FRMD6: variants seen among roughly 807,000 people sequenced by gnomAD.
The protein encoded by FRMD6 is FERM domain-containing protein 6.
Under a neutral mutation model 73.2 loss-of-function variants are expected in FRMD6, and 37 were observed. The observed-to-expected ratio is 0.51, with a 90% CI of 0.39 to 0.66. The LOEUF (loss-of-function observed/expected upper bound fraction) is 0.66. FRMD6 is among the 30% of genes least tolerant of loss of function. The pLI is 0.00. For missense variants in FRMD6, 714 were observed against 780.5 expected (o/e 0.91, Z 1.02); for synonymous variants, 273 against 282.2 (o/e 0.97, Z 0.33).
At chr14:51,718,880 A>G (rs1897379903) in intron 10 of FRMD6, among the ~76,000 whole-genome samples, 1 of 151,922 alleles carries the variant, frequency 6.6e-6, no homozygotes, top group Non-Finnish European at 1.5e-5. Flanking sequence ...TTTTCTCTCT[A>G]GGGACCCTGT....
intron 9 of FRMD6, chr14:51,714,721 T>A (rs1349228283): frequency 6.6e-6 from 1 of 152,226 alleles, no homozygotes; most frequent in Admixed American, 6.5e-5. Flanking sequence ...CAAATAGATA[T>A]CCTGTATTGT....
At chr14:51,683,032 A>G (rs966350996) in intron 1 of FRMD6, among the ~76,000 whole-genome samples, 1 of 152,160 alleles carries the variant, frequency 6.6e-6, no homozygotes, top group African/African-American at 2.4e-5. Flanking sequence ...ATTTCAACCC[A>G]TACACCCATA....
chr14:51,690,753 A>G (rs1895504736), intron 2 of FRMD6, among the ~76,000 whole-genome samples: 1 of 152,212 alleles, frequency 6.6e-6, no homozygotes, highest in Non-Finnish European at 1.5e-5. Flanking sequence ...TTCCAGGACT[A>G]GGTGCCTATA....
chr14:51,480,134 G>C, the FRMD6 span, among the ~76,000 whole-genome samples: 3 of 152,166 alleles, frequency 2.0e-5, no homozygotes. Flanking sequence ...ATCAGGGCTT[G>C]GCTTGCAGAG....
At position 51,685,137 on chromosome 14, in the gene FRMD6, A is replaced by G. The variant is rs539288047; in HGVS notation, c.-146-4554A>G. On this transcript the variant is annotated intron_variant, in intron 1 of 13. Coordinates refer to ENST00000344768, the MANE Select transcript of FRMD6 (RefSeq NM_001267046.2). ...CCTGGAACATGGTAAGTTTGTAGTA[A>G]ATGCTAGCTATCATTAGCACTATTA... is the stretch of plus-strand genomic sequence containing the variant. 9.3e-4 allele frequency among the ~76,000 whole-genome samples: 142 copies of G among 152,260 alleles called. 1 individual carries two copies. The highest frequency in any genetic ancestry group is 1.4e-3 in the Non-Finnish European group (98 of 68,002).
the FRMD6 span, among the ~76,000 whole-genome samples, chr14:51,418,630 G>C: frequency 6.6e-6 from 1 of 152,246 alleles, no homozygotes; most frequent in Non-Finnish European, 1.5e-5. Flanking sequence ...CTACACGGGG[G>C]TCACGGACCC....
intron 4 of FRMD6, 34 bp from the exon 5 acceptor site, chr14:51,702,478 A>G: frequency 6.3e-7 from 1 of 1,577,846 alleles, no homozygotes. Flanking sequence ...GTAACTAGAA[A>G]TAGCTTGATT....
chr14:51,713,473 A>G (rs2140540388), intron 9 of FRMD6, among the ~76,000 whole-genome samples: 1 of 152,172 alleles, frequency 6.6e-6, no homozygotes, highest in African/African-American at 2.4e-5. Flanking sequence ...AAAAAAAAAA[A>G]AAAATCGTAG....
chr14:51,596,250 T>G (rs1006332841), intron 2 of FRMD6, among the ~76,000 whole-genome samples: 4 of 140,726 alleles, frequency 2.8e-5, no homozygotes, highest in Non-Finnish European at 6.0e-5. Context: ...GAGAGCCTGG[T>G]GTGTGTGTGT....
chr14:51,580,152 G>T (rs1457596843), intron 2 of FRMD6, among the ~76,000 whole-genome samples: 1 of 150,666 alleles, frequency 6.6e-6, no homozygotes, highest in African/African-American at 2.4e-5. Context: ...GTGTGTGTAT[G>T]TTTGTGATCT....
At chr14:51,721,625 GAA>G (rs1411322714) in intron 11 of FRMD6, among the ~76,000 whole-genome samples, 5 of 101,192 alleles carry the variant, frequency 4.9e-5, no homozygotes, top group African/African-American at 1.8e-4. Context: ...AATTGAGAAA[GAA>G]AGAGAGGGAG....
In FRMD6 at chr14:51,708,077, G is replaced by A; in HGVS notation, c.559-1G>A. On this transcript the variant is annotated splice_acceptor_variant, in intron 6 of 13. Coordinates refer to ENST00000344768, the MANE Select transcript of FRMD6 (RefSeq NM_001267046.2). LOFTEE classifies it high-confidence loss of function. The stretch of plus-strand genomic sequence containing the variant: ...ATTGCACACCCCTTGTATCCCAACA[G>A]GTTGTTTCCAAGAGGGGGAAGGACT... 6.2e-7 allele frequency: 1 copy of A among 1,612,912 alleles called. No homozygotes were observed. The highest frequency in any genetic ancestry group is 8.5e-7 in the Non-Finnish European group (1 of 1,179,260).
At chr14:51,644,054 T>C (rs1891935917) in intron 2 of FRMD6, among the ~76,000 whole-genome samples, 1 of 152,122 alleles carries the variant, frequency 6.6e-6, no homozygotes, top group Admixed American at 6.6e-5. Flanking sequence ...TAGGTAATCC[T>C]TCCCAAATTT....
In FRMD6 at chr14:51,559,674, C is replaced by T. The variant is rs562330471; in HGVS notation, c.-209-10674C>T. ...CTATTTCTTGAATTTTTCTCTTCTCCAGACCTCCAAATTCAGAACCTTCCT... is the reference window on the plus strand; with the variant it reads ...CTATTTCTTGAATTTTTCTCTTCTCTAGACCTCCAAATTCAGAACCTTCCT... On this transcript the variant is annotated intron_variant, in intron 1 of 14. Transcript: ENST00000356218. 3.3e-5 allele frequency among the ~76,000 whole-genome samples: 5 copies of T among 152,214 alleles called. No individual in the cohort carries two copies. In the South Asian group the frequency reaches 1.0e-3, roughly 32 times the overall value.
chr14:51,585,939 G>GTGTGTGTGTGTGTGTATATATATA, intron 2 of FRMD6, among the ~76,000 whole-genome samples: 1 of 31,414 alleles, frequency 3.2e-5, no homozygotes, highest in African/African-American at 6.8e-5. Flanking sequence ...GTGTGTGTGT[G>GTGTGTGTGTGTGTGTATATATATA]TATATATATA....
intron 1 of FRMD6, among the ~76,000 whole-genome samples, chr14:51,550,392 T>C (rs1241803511): frequency 2.0e-5 from 3 of 152,230 alleles, no homozygotes; most frequent in African/African-American, 7.2e-5. Context: ...TGGCTCATTT[T>C]ATTGCATTCA....
chr14:51,523,811 G>C (rs1468126334), intron 1 of FRMD6, among the ~76,000 whole-genome samples: 1 of 152,152 alleles, frequency 6.6e-6, no homozygotes, highest in African/African-American at 2.4e-5. Flanking sequence ...TTTCAAAGCA[G>C]ATTTATTAAA....
chr14:51,629,169 G>A (rs192023992), intron 2 of FRMD6, among the ~76,000 whole-genome samples: 113 of 152,090 alleles, frequency 7.4e-4, no homozygotes, highest in African/African-American at 2.6e-3. Flanking sequence ...GTGAGCCACC[G>A]CGCCCAGCCA....
At chr14:51,433,842 C>A in the FRMD6 span, among the ~76,000 whole-genome samples, 1 of 152,152 alleles carries the variant, frequency 6.6e-6, no homozygotes, top group Non-Finnish European at 1.5e-5. Flanking sequence ...CTGGGGGAAC[C>A]CCAAATAGAA....
Sources: gnomAD v4.1 joint callset for allele counts (sites outside exome capture counted in the v4.1 genomes callset) on GRCh38, gnomAD v4.1.1 for gene constraint, MANE v1.5 for transcripts, NCBI Gene and HGNC (gene_info 2026-07-23, HGNC 2026-07-21) for gene names.